Variants in CCSER1 observed in about 807,000 individuals in gnomAD.
CCSER1 encodes the protein serine-rich coiled-coil domain-containing protein 1.
A neutral mutation model predicts 82.0 loss-of-function variants in CCSER1; 41 were observed. The ratio of observed to expected loss-of-function variants is 0.50; its 90% CI spans 0.39 to 0.65. The LOEUF (loss-of-function observed/expected upper bound fraction) is 0.65. CCSER1 is among the 30% of genes least tolerant of loss of function. CCSER1 has a pLI of 0.00. For synonymous variants in CCSER1, 414 were observed against 383.9 expected, an observed-to-expected ratio of 1.08 and a Z score of -0.92; for missense variants, 1,119 against 1,064.2, an observed-to-expected ratio of 1.05 and a Z score of -0.72.
chr4:90,699,893 T>C (rs986201545), intron 6 of CCSER1, among the ~76,000 whole-genome samples: 5 of 151,998 alleles, frequency 3.3e-5, no homozygotes, highest in African/African-American at 7.2e-5. Flanking sequence ...CCTTCCACCA[T>C]GTGAGCGCAT....
At position 90,691,423 on chromosome 4, in the gene CCSER1, A is replaced by G. The variant is rs80280271; in HGVS notation, c.1933-32491A>G. 5.8e-3 allele frequency among the ~76,000 whole-genome samples: 881 copies of G among 152,088 alleles called. 11 individuals are homozygous for G. The highest frequency in any genetic ancestry group is 0.02 in the African/African-American group (838 of 41,532). Reference sequence around the variant, plus strand: ...ATCCCATAATCCCATACATATGTGTATGTATAAACTCATATATATGTATAT... The same window carrying G: ...ATCCCATAATCCCATACATATGTGTGTGTATAAACTCATATATATGTATAT... On this transcript the variant is annotated intron_variant, in intron 6 of 10. Transcript: ENST00000509176.
chr4:91,398,576 G>T (rs1056542244), intron 10 of CCSER1, among the ~76,000 whole-genome samples: 3 of 151,882 alleles, frequency 2.0e-5, no homozygotes, highest in Admixed American at 6.6e-5. Flanking sequence ...TTATTATTGG[G>T]GTATTCGTAT....
At chr4:91,522,803 A>G (rs1760556834) in intron 10 of CCSER1, among the ~76,000 whole-genome samples, 1 of 152,184 alleles carries the variant, frequency 6.6e-6, no homozygotes, top group Non-Finnish European at 1.5e-5. Flanking sequence ...TAAATATACA[A>G]TCATGTCATC....
chr4:90,325,073 A>G (rs948512145), intron 3 of CCSER1, among the ~76,000 whole-genome samples: 36 of 152,024 alleles, frequency 2.4e-4, no homozygotes, highest in Non-Finnish European at 4.3e-4. Flanking sequence ...TCTCCTTCAC[A>G]TGTTATTAAA....
intron 7 of CCSER1, among the ~76,000 whole-genome samples, chr4:90,804,074 G>A (rs1396265846): frequency 8.6e-5 from 13 of 151,934 alleles, no homozygotes; most frequent in Non-Finnish European, 1.9e-4. Context: ...TTTTTTTCTT[G>A]TAAATTTGTT....
chr4:90,789,726 T>A (rs1754984622), intron 7 of CCSER1, among the ~76,000 whole-genome samples: 1 of 152,180 alleles, frequency 6.6e-6, no homozygotes, highest in African/African-American at 2.4e-5. Context: ...CTGCCATTCA[T>A]GTAAGATGTG....
chr4:90,640,648 T>C (rs1426078715), intron 6 of CCSER1, among the ~76,000 whole-genome samples: 1 of 152,096 alleles, frequency 6.6e-6, no homozygotes, highest in Non-Finnish European at 1.5e-5. Flanking sequence ...GGAGAGACCA[T>C]GTGGAGGTAA....
chr4:91,242,842 C>G (rs1207813776), intron 10 of CCSER1, among the ~76,000 whole-genome samples: 1 of 152,092 alleles, frequency 6.6e-6, no homozygotes, highest in Non-Finnish European at 1.5e-5. Context: ...GGTTGGGGGT[C>G]AAAGCAAGAC....
intron 5 of CCSER1, among the ~76,000 whole-genome samples, chr4:90,549,326 T>G (rs956231648): frequency 6.6e-6 from 1 of 152,142 alleles, no homozygotes; most frequent in Non-Finnish European, 1.5e-5. Context: ...TTCAACAAAC[T>G]TTATCAGGAA....
chr4:91,046,273 A>G (rs528872556), intron 9 of CCSER1, among the ~76,000 whole-genome samples: 1 of 152,172 alleles, frequency 6.6e-6, no homozygotes, highest in African/African-American at 2.4e-5. Flanking sequence ...TTCAGCTACT[A>G]TAGTCTATAA....
intron 3 of CCSER1, among the ~76,000 whole-genome samples, chr4:90,331,881 A>G (rs912973781): frequency 1.6e-4 from 25 of 151,928 alleles, no homozygotes; most frequent in Admixed American, 3.3e-4. Flanking sequence ...ATCTGTTTCC[A>G]CGAATTGTCA....
chr4:90,773,500 G>A (rs1050075277), intron 7 of CCSER1, among the ~76,000 whole-genome samples: 1 of 152,106 alleles, frequency 6.6e-6, no homozygotes, highest in African/African-American at 2.4e-5. Context: ...TAGTGATGAT[G>A]GTTAGGTTTG....
chr4:90,838,551 C>A (rs1172891773), intron 8 of CCSER1, among the ~76,000 whole-genome samples: 1 of 146,122 alleles, frequency 6.8e-6, no homozygotes, highest in Non-Finnish European at 1.5e-5. Flanking sequence ...TAATTAAAAT[C>A]ATTTGAACAA....
intron 4 of CCSER1, among the ~76,000 whole-genome samples, chr4:90,402,627 A>C (rs968165010): frequency 6.6e-6 from 1 of 152,170 alleles, no homozygotes; most frequent in Non-Finnish European, 1.5e-5. Flanking sequence ...TCATTGTAAA[A>C]AATAAAACAA....
intron 1 of CCSER1, among the ~76,000 whole-genome samples, chr4:90,128,237 C>T (rs1253622908): frequency 6.6e-6 from 1 of 151,938 alleles, no homozygotes. Context: ...GACCGGTCAG[C>T]GCTGGCGCCC....
chr4:91,008,084 G>A (rs1469227263), intron 9 of CCSER1, among the ~76,000 whole-genome samples: 1 of 151,942 alleles, frequency 6.6e-6, no homozygotes, highest in African/African-American at 2.4e-5. Context: ...CACTGTGATT[G>A]GAAACAATAC....
At chr4:90,329,317 A>T (rs1482544682) in intron 3 of CCSER1, among the ~76,000 whole-genome samples, 2 of 152,180 alleles carry the variant, frequency 1.3e-5, no homozygotes, top group Non-Finnish European at 2.9e-5. Context: ...TACAGTTGTC[A>T]TAGAATCAAA....
chr4:90,243,280 G>T (rs1438090874), intron 1 of CCSER1, among the ~76,000 whole-genome samples: 1 of 151,778 alleles, frequency 6.6e-6, no homozygotes, highest in South Asian at 2.1e-4. Flanking sequence ...ATGGAGTCTC[G>T]CTCTGTTGCC....
chr4:91,187,955 T>G (rs2149043457), intron 10 of CCSER1, among the ~76,000 whole-genome samples: 1 of 152,286 alleles, frequency 6.6e-6, no homozygotes, highest in African/African-American at 2.4e-5. Flanking sequence ...AAGTTTTTTT[T>G]TGTTAAATGT....
Sources: allele counts gnomAD v4.1 joint callset (sites outside exome capture counted in the v4.1 genomes callset), GRCh38; gene constraint gnomAD v4.1.1; transcripts MANE v1.5; gene names NCBI Gene and HGNC (gene_info 2026-07-23, HGNC 2026-07-21).